RELN: variants seen among roughly 807,000 people sequenced by gnomAD.
RELN encodes the protein reelin.
In RELN, 108 loss-of-function variants were observed where a neutral mutation model predicts 427.6. The ratio of observed to expected loss-of-function variants is 0.25; its 90% CI spans 0.22 to 0.30. The LOEUF (loss-of-function observed/expected upper bound fraction) is 0.30. Ranked by LOEUF, RELN falls within the 10% of genes least tolerant of loss-of-function variation. The pLI, the probability that RELN is intolerant of heterozygous loss-of-function variation, is 1.00. For synonymous variants in RELN, 1,524 were observed against 1,513.4 expected, an observed-to-expected ratio of 1.01 and a Z score of -0.16; for missense variants, 3,715 against 4,302.8, an observed-to-expected ratio of 0.86 and a Z score of 3.82.
intron 2 of RELN, among the ~76,000 whole-genome samples, chr7:103,874,327 A>C (rs1442774230): frequency 7.3e-6 from 1 of 136,912 alleles, no homozygotes. Context: ...CACCACTCCT[A>C]TTCAACATAG....
intron 4 of RELN, among the ~76,000 whole-genome samples, chr7:103,764,585 C>G (rs1268644496): frequency 6.6e-6 from 1 of 151,950 alleles, no homozygotes; most frequent in Non-Finnish European, 1.5e-5. Flanking sequence ...TGCCTGGAAT[C>G]CCAGCACTTT....
At chr7:103,674,601 C>A (rs1370377362) in intron 11 of RELN, among the ~76,000 whole-genome samples, 1 of 152,094 alleles carries the variant, frequency 6.6e-6, no homozygotes, top group Non-Finnish European at 1.5e-5. Flanking sequence ...ATTGCTCGTT[C>A]CTGGGGGGCA....
chr7:103,652,262 T>TC (rs1562940849), intron 14 of RELN, among the ~76,000 whole-genome samples: 1 of 151,626 alleles, frequency 6.6e-6, no homozygotes, highest in African/African-American at 2.4e-5. Flanking sequence ...TTTTTTTTTT[T>TC]TTTCTCTCTT....
intron 11 of RELN, among the ~76,000 whole-genome samples, chr7:103,678,134 T>C (rs773963174): frequency 6.6e-6 from 1 of 151,560 alleles, no homozygotes; most frequent in Non-Finnish European, 1.5e-5. Context: ...GTACGAATAT[T>C]GTGGCAATAG....
At chr7:103,732,285 G>C (rs535497873) in intron 6 of RELN, among the ~76,000 whole-genome samples, 2 of 152,202 alleles carry the variant, frequency 1.3e-5, no homozygotes, top group East Asian at 3.9e-4. Context: ...GATTGCCCAT[G>C]GGCTAGTTTC....
At chr7:103,541,166 C>T (rs1830170513) in intron 43 of RELN, among the ~76,000 whole-genome samples, 1 of 152,114 alleles carries the variant, frequency 6.6e-6, no homozygotes, top group Non-Finnish European at 1.5e-5. Context: ...ATGGTGGCAG[C>T]CGGCCAGTGG....
At chr7:103,491,926 G>A (rs1238476343) in intron 58 of RELN, 27 bp downstream of exon 58, 1 of 1,438,618 alleles carries the variant, frequency 7.0e-7, no homozygotes, top group African/African-American at 1.4e-5. Context: ...CAAGTTTGAA[G>A]ATAATGTTAA....
intron 38 of RELN, among the ~76,000 whole-genome samples, chr7:103,555,765 G>A (rs779886532): frequency 2.0e-5 from 3 of 152,146 alleles, no homozygotes; most frequent in Non-Finnish European, 4.4e-5. Context: ...GAGCCACTGC[G>A]CCTGGCACAT....
chr7:103,682,246 C>T lies in RELN; in HGVS notation c.1159G>A (p.Asp387Asn), dbSNP rs1562954909. Reference protein sequence around the residue: ...GATVKHSCQSDGNSIYFHGNE... With the variant: ...GATVKHSCQSNGNSIYFHGNE... ...CCATGGAAATAAATGGAGTTCCCAT[C>T]TGACTGACAGCTATGCTGTAGGTGA... Residue 387 changes from aspartate (D) to asparagine (N), a missense_variant, in exon 11 of 65, where the codon GAT (aspartate) becomes AAT (asparagine). By Grantham distance (23) the Asp-to-Asn change is conservative. Transcript: ENST00000428762. 2 of 1,614,040 alleles carry T rather than the reference C, an allele frequency of 1.2e-6. No individual in the cohort carries two copies.
At chr7:103,702,147 C>A (rs750575109) in intron 8 of RELN, among the ~76,000 whole-genome samples, 2 of 152,204 alleles carry the variant, frequency 1.3e-5, no homozygotes, top group Non-Finnish European at 2.9e-5. Context: ...CAAATGGAAA[C>A]CCACCTTATG....
intron 61 of RELN, among the ~76,000 whole-genome samples, chr7:103,485,903 T>A (rs2116985434): frequency 6.6e-6 from 1 of 152,388 alleles, no homozygotes; most frequent in Admixed American, 6.5e-5. Context: ...CTATGTAGTT[T>A]ATCCCTAACC....
At chr7:103,489,484 A>G (rs1488047468) in intron 60 of RELN, among the ~76,000 whole-genome samples, 1 of 152,172 alleles carries the variant, frequency 6.6e-6, no homozygotes, top group East Asian at 1.9e-4. Flanking sequence ...GCATATCTGG[A>G]TTTATATGCT....
intron 62 of RELN, 33 bp downstream of exon 62, chr7:103,483,620 A>C: frequency 6.9e-6 from 11 of 1,604,754 alleles, no homozygotes; most frequent in African/African-American, 1.3e-5. Context: ...GGGATTGTGC[A>C]TGAGACCATG....
In RELN at chr7:103,894,267, T is replaced by G. The variant is rs570301077; in HGVS notation, c.337+22808A>C. The stretch of plus-strand genomic sequence containing the variant: ...AACTTTTCCAAGTTCTACAAGATTT[T>G]TGACCTATAGTATACTCTTCACTGC... On this transcript the variant is annotated intron_variant, in intron 2 of 64. Transcript: ENST00000428762. Among the ~76,000 whole-genome samples, 3 of 152,316 alleles carry G rather than the reference T, an allele frequency of 2.0e-5. No individual in the cohort carries two copies. In the East Asian group the frequency reaches 5.8e-4, roughly 29 times the overall value.
intron 36 of RELN, among the ~76,000 whole-genome samples, chr7:103,560,822 A>T (rs184105271): frequency 6.6e-6 from 1 of 152,336 alleles, no homozygotes; most frequent in East Asian, 1.9e-4. Flanking sequence ...TCTATTGACT[A>T]TAATTGAAAA....
chr7:103,868,432 C>A (rs566977826), intron 2 of RELN, among the ~76,000 whole-genome samples: 5 of 152,072 alleles, frequency 3.3e-5, no homozygotes, highest in African/African-American at 1.2e-4. Context: ...GTACAGAAAA[C>A]GTAAAATGAG....
intron 3 of RELN, among the ~76,000 whole-genome samples, chr7:103,798,665 C>A (rs1792369722): frequency 6.6e-6 from 1 of 152,128 alleles, no homozygotes; most frequent in Non-Finnish European, 1.5e-5. Context: ...ACCCCTTTCC[C>A]ATGAGGACAT....
At chr7:103,632,321 C>T (rs1466602448) in intron 19 of RELN, among the ~76,000 whole-genome samples, 2 of 152,194 alleles carry the variant, frequency 1.3e-5, no homozygotes, top group African/African-American at 4.8e-5. Context: ...CTGCTTTTCA[C>T]TATTATACCT....
In RELN at chr7:103,874,561, C is replaced by T. The variant is rs1159709128; in HGVS notation, c.338-40889G>A. ...AATCACAAGCATTCTGATACACCAA[C>T]AACAGACAAACAGAGAGCCAAATTA... On this transcript the variant is annotated intron_variant, in intron 2 of 64. Coordinates refer to ENST00000428762, the MANE Select transcript of RELN (RefSeq NM_005045.4). 2.7e-5 allele frequency among the ~76,000 whole-genome samples: 4 copies of T among 145,878 alleles called. No individual in the cohort carries two copies. The Admixed American group carries it at 2.7e-4, about 10-fold the overall frequency.
Sources: gnomAD v4.1 joint callset for allele counts (sites outside exome capture counted in the v4.1 genomes callset) on GRCh38, gnomAD v4.1.1 for gene constraint, MANE v1.5 for transcripts, NCBI Gene and HGNC (gene_info 2026-07-23, HGNC 2026-07-21) for gene names.